The following SMOC1 variants were observed in gnomAD, a reference collection of about 807,000 sequenced individuals.
SMOC1 encodes the protein SPARC-related modular calcium-binding protein 1.
A neutral mutation model predicts 56.3 loss-of-function variants in SMOC1; 22 were observed. That is an observed-to-expected ratio of 0.39 (90% CI 0.28 to 0.56). The LOEUF (loss-of-function observed/expected upper bound fraction) is 0.56, where lower values mean the gene tolerates loss of function less well. Ranked by LOEUF, SMOC1 falls within the 20% of genes least tolerant of loss-of-function variation. The pLI is 0.61. For synonymous variants in SMOC1, 193 were observed against 215.0 expected (o/e 0.90, Z 0.89); for missense variants, 509 against 565.4 (o/e 0.90, Z 1.01).
At chr14:69,996,825 T>C (rs2139554563) in intron 7 of SMOC1, among the ~76,000 whole-genome samples, 1 of 152,356 alleles carries the variant, frequency 6.6e-6, no homozygotes, top group Admixed American at 6.5e-5. Flanking sequence ...ACTGGTAATA[T>C]TGACTGAATG....
intron 1 of SMOC1, among the ~76,000 whole-genome samples, chr14:69,933,505 G>A (rs956156795): frequency 3.9e-5 from 6 of 152,096 alleles, no homozygotes; most frequent in African/African-American, 1.2e-4. Flanking sequence ...AAAGAAATGA[G>A]CTCACACAAA....
At chr14:69,919,223 AC>A (rs1338847091) in intron 1 of SMOC1, among the ~76,000 whole-genome samples, 1 of 152,026 alleles carries the variant, frequency 6.6e-6, no homozygotes, top group Non-Finnish European at 1.5e-5. Context: ...ACATCAAGCA[AC>A]CCTCTCATAT....
intron 4 of SMOC1, among the ~76,000 whole-genome samples, chr14:69,976,273 C>A (rs1353621252): frequency 6.6e-6 from 1 of 152,084 alleles, no homozygotes; most frequent in Non-Finnish European, 1.5e-5. Context: ...ACTCACCACC[C>A]CTGAAGAATG....
chr14:69,893,898 C>A (rs73289006), intron 1 of SMOC1, among the ~76,000 whole-genome samples: 1 of 152,014 alleles, frequency 6.6e-6, no homozygotes, highest in African/African-American at 2.4e-5. Context: ...GACTGGTGCC[C>A]GAATAAGAAG....
At chr14:69,882,956 G>T (rs1395777033) in intron 1 of SMOC1, among the ~76,000 whole-genome samples, 1 of 152,190 alleles carries the variant, frequency 6.6e-6, no homozygotes, top group African/African-American at 2.4e-5. Flanking sequence ...TGAGAAATAG[G>T]AGATGATGCG....
intron 7 of SMOC1, among the ~76,000 whole-genome samples, chr14:70,009,062 G>A (rs1400092733): frequency 2.0e-5 from 3 of 152,164 alleles, no homozygotes; most frequent in Non-Finnish European, 4.4e-5. Flanking sequence ...ATGTCTGTCA[G>A]CTGTTTTAAA....
At chr14:70,000,170 G>T (rs74061019) in intron 7 of SMOC1, among the ~76,000 whole-genome samples, 3,271 of 152,236 alleles carry the variant, frequency 0.021, 97 homozygotes, top group African/African-American at 0.075. Context: ...AGTAGACGGG[G>T]TCTACATCTC....
Position 70,010,813 on chromosome 14 carries a change from C to G in SMOC1, c.724C>G (p.Pro242Ala), listed in dbSNP as rs765863896. ...TGCCCTGGAAGAGGCCCAGCAGAAT[C>G]CCCGTGAGGGTATTGTCATCCCTGA... ...QSALEEAQQN[P>A]REGIVIPECA... Residue 242 changes from proline to alanine, a missense_variant, in exon 8 of 12, where the codon CCC becomes GCC. Pro to Ala is a conservative substitution (Grantham distance 27). Coordinates refer to ENST00000361956, the MANE Select transcript of SMOC1 (RefSeq NM_001034852.3). 1 of 1,614,214 alleles carries G rather than the reference C, an allele frequency of 6.2e-7. No homozygotes were observed. Among genetic ancestry groups the G allele is most frequent in the South Asian group, 1.1e-5 (1 of 91,086 alleles).
intron 1 of SMOC1, among the ~76,000 whole-genome samples, chr14:69,901,501 T>C (rs1884241054): frequency 6.6e-6 from 1 of 152,244 alleles, no homozygotes; most frequent in African/African-American, 2.4e-5. Context: ...GCCCAGTTGC[T>C]TCTAAGATTT....
intron 9 of SMOC1, among the ~76,000 whole-genome samples, chr14:70,012,690 C>A (rs966160800): frequency 5.9e-5 from 9 of 152,134 alleles, no homozygotes; most frequent in Non-Finnish European, 1.3e-4. Flanking sequence ...TTATAGGACA[C>A]CCATTTATCC....
At chr14:69,922,354 G>T (rs940859913) in intron 1 of SMOC1, among the ~76,000 whole-genome samples, 4 of 152,190 alleles carry the variant, frequency 2.6e-5, no homozygotes, top group African/African-American at 9.7e-5. Context: ...AGGCGTAAAG[G>T]TCTTGTGCAT....
chr14:70,004,887 C>T (rs1033038476), intron 7 of SMOC1, among the ~76,000 whole-genome samples: 15 of 152,318 alleles, frequency 9.8e-5, no homozygotes, highest in African/African-American at 3.6e-4. Context: ...CTACTGTCTG[C>T]TCTCTCCACC....
chr14:70,015,471 AC>A (rs1885478020), intron 10 of SMOC1, among the ~76,000 whole-genome samples: 1 of 146,704 alleles, frequency 6.8e-6, no homozygotes, highest in Non-Finnish European at 1.5e-5. Flanking sequence ...CAAAAAAAAA[AC>A]GAAAGAAGAA....
chr14:70,021,641 G>A (rs538664347), intron 10 of SMOC1, among the ~76,000 whole-genome samples: 4 of 152,236 alleles, frequency 2.6e-5, no homozygotes, highest in East Asian at 3.9e-4. Context: ...CAGGATGCCC[G>A]GATTACCTGC....
chr14:69,945,594 C>T (rs974564402), intron 1 of SMOC1, among the ~76,000 whole-genome samples: 2 of 152,152 alleles, frequency 1.3e-5, no homozygotes, highest in African/African-American at 4.8e-5. Context: ...AGCCAACCCA[C>T]ATAATTATGA....
At chr14:69,950,930 T>G (rs1335870272) in intron 1 of SMOC1, among the ~76,000 whole-genome samples, 1 of 152,212 alleles carries the variant, frequency 6.6e-6, no homozygotes, top group African/African-American at 2.4e-5. Context: ...GTTCTGTGGG[T>G]TAACTGGGCT....
In SMOC1 at chr14:69,957,819, C is replaced by G. The variant is rs181329367; in HGVS notation, c.378+4287C>G. On this transcript the variant is annotated intron_variant, in intron 3 of 11. Coordinates refer to ENST00000361956, the MANE Select transcript of SMOC1 (RefSeq NM_001034852.3). ...TTGCTTCAAAGCAAATCCCCACGCA[C>G]AGTATCTTTTCATCCCAGATATTTT... Among the ~76,000 whole-genome samples the G allele has an allele frequency of 1.4e-4, 22 of 152,276 alleles. No individual in the cohort carries two copies. The East Asian group carries it at 3.3e-3, about 23-fold the overall frequency.
At chr14:69,967,942 A>G (rs11848845) in intron 3 of SMOC1, among the ~76,000 whole-genome samples, 46,810 of 152,162 alleles carry the variant, frequency 0.31, 7,466 homozygotes, top group East Asian at 0.39. Flanking sequence ...GACCAAAAGA[A>G]TTACACCATC....
At chr14:69,940,851 C>G (rs140206864) in intron 1 of SMOC1, among the ~76,000 whole-genome samples, 1 of 152,022 alleles carries the variant, frequency 6.6e-6, no homozygotes, top group African/African-American at 2.4e-5. Flanking sequence ...AGTTTTTGTG[C>G]TGGTGGCAGA....
Sources: allele counts gnomAD v4.1 joint callset (sites outside exome capture counted in the v4.1 genomes callset), GRCh38; gene constraint gnomAD v4.1.1; transcripts MANE v1.5; gene names NCBI Gene and HGNC (gene_info 2026-07-23, HGNC 2026-07-21).